The following ARSJ variants were observed in gnomAD, a reference collection of about 807,000 sequenced individuals.
ARSJ encodes the protein arylsulfatase J.
Under a neutral mutation model 35.9 loss-of-function variants are expected in ARSJ, and 26 were observed. That is an observed-to-expected ratio of 0.72 (90% CI 0.53 to 1.00). ARSJ has a LOEUF of 1.00. Among genes scored for constraint, ARSJ ranks in the 50% least tolerant of loss-of-function variants. ARSJ has a pLI of 0.00. For synonymous variants in ARSJ, 294 were observed against 267.6 expected (o/e 1.10, Z -0.96); for missense variants, 667 against 723.6 (o/e 0.92, Z 0.90).
intron 1 of ARSJ, among the ~76,000 whole-genome samples, chr4:113,940,091 A>G (rs900491560): frequency 2.0e-5 from 3 of 152,108 alleles, no homozygotes; most frequent in Non-Finnish European, 2.9e-5. Context: ...TGATTTCTTA[A>G]AGACCTAGAG....
At chr4:113,918,378 T>C (rs949296837) in intron 1 of ARSJ, among the ~76,000 whole-genome samples, 1 of 152,196 alleles carries the variant, frequency 6.6e-6, no homozygotes, top group Admixed American at 6.5e-5. Context: ...ATTTATGTTA[T>C]GTGTAAAAGG....
chr4:113,927,525 T>C (rs763529150), intron 1 of ARSJ, among the ~76,000 whole-genome samples: 4 of 152,126 alleles, frequency 2.6e-5, no homozygotes, highest in Non-Finnish European at 5.9e-5. Flanking sequence ...CATAGGACAG[T>C]AAAGGTAAAT....
chr4:113,952,716 G>A (rs1459292898), intron 1 of ARSJ, among the ~76,000 whole-genome samples: 1 of 152,004 alleles, frequency 6.6e-6, no homozygotes, highest in African/African-American at 2.4e-5. Context: ...GCTGGAGAAG[G>A]CTAAACCTCT....
intron 1 of ARSJ, among the ~76,000 whole-genome samples, chr4:113,909,061 G>T (rs186433186): frequency 6.6e-6 from 1 of 152,194 alleles, no homozygotes; most frequent in African/African-American, 2.4e-5. Flanking sequence ...AGTAAAAATG[G>T]AAAGAGGTAG....
At chr4:113,912,691 C>T (rs979434030) in intron 1 of ARSJ, among the ~76,000 whole-genome samples, 4 of 151,242 alleles carry the variant, frequency 2.6e-5, no homozygotes, top group Non-Finnish European at 5.9e-5. Context: ...TGAAACAATA[C>T]GTGGCTCATA....
chr4:113,971,350 C>A (rs1323071027), intron 1 of ARSJ, among the ~76,000 whole-genome samples: 2 of 152,168 alleles, frequency 1.3e-5, no homozygotes, highest in Non-Finnish European at 2.9e-5. Flanking sequence ...CAGCCTTCTG[C>A]GCCTGGATAA....
intron 1 of ARSJ, among the ~76,000 whole-genome samples, chr4:113,913,075 A>G (rs559901636): frequency 2.5e-4 from 35 of 140,966 alleles, no homozygotes; most frequent in African/African-American, 7.9e-4. Context: ...TTCGGACTAG[A>G]CAAAAGGGGA....
Position 113,961,895 on chromosome 4 carries a change from CTCTGTGTGTGTGTG to C in ARSJ, c.398+16528_398+16541del, listed in dbSNP as rs762427925. Among the ~76,000 whole-genome samples, 898 of 122,014 alleles carry C rather than the reference CTCTGTGTGTGTGTG, an allele frequency of 7.4e-3. 10 individuals are homozygous for C. Among genetic ancestry groups the C allele is most frequent in the African/African-American group, 0.025 (689 of 27,834 alleles). 80.0% of individuals were successfully genotyped at this position (122,014 alleles called of 152,430 possible). A position where few individuals can be genotyped will look rare whatever the true frequency, so the allele number is the denominator to read the frequency against. On this transcript the variant is annotated intron_variant, in intron 1 of 1. Coordinates refer to ENST00000315366, the MANE Select transcript of ARSJ (RefSeq NM_024590.4). ...TGCCTGTGTTTGTCTCTCTCTCTCT[CTCTGTGTGTGTGTG>C]TGTGTGTGTGTGTGTGTGTGTGTGT...
chr4:113,963,462 T>C (rs1430165837), intron 1 of ARSJ, among the ~76,000 whole-genome samples: 5 of 152,112 alleles, frequency 3.3e-5, no homozygotes, highest in African/African-American at 1.2e-4. Flanking sequence ...AAGCGCCTTA[T>C]AAAACCAGCA....
chr4:113,908,951 TCTAAACAATC>T (rs2099669610), intron 1 of ARSJ, among the ~76,000 whole-genome samples: 1 of 152,140 alleles, frequency 6.6e-6, no homozygotes. Flanking sequence ...AAAGAATTTT[TCTAAACAATC>T]TCTTCTAATT....
intron 1 of ARSJ, among the ~76,000 whole-genome samples, chr4:113,917,019 A>T (rs1723351488): frequency 6.6e-6 from 1 of 152,120 alleles, no homozygotes; most frequent in Admixed American, 6.6e-5. Flanking sequence ...ATTCCATCCA[A>T]TTGTTTTCTT....
intron 1 of ARSJ, among the ~76,000 whole-genome samples, chr4:113,964,321 A>T (rs1269175587): frequency 6.6e-6 from 1 of 152,128 alleles, no homozygotes; most frequent in Non-Finnish European, 1.5e-5. Context: ...GTAGAAAAGG[A>T]GCACATAAAA....
intron 1 of ARSJ, among the ~76,000 whole-genome samples, chr4:113,913,439 C>CT (rs1166140808): frequency 4.6e-5 from 7 of 152,040 alleles, no homozygotes; most frequent in African/African-American, 1.7e-4. Context: ...GTTCTTTTCT[C>CT]TTTTTTGGAA....
intron 1 of ARSJ, among the ~76,000 whole-genome samples, chr4:113,948,375 G>C (rs1283488092): frequency 6.6e-6 from 1 of 151,970 alleles, no homozygotes; most frequent in Non-Finnish European, 1.5e-5. Flanking sequence ...CAGGAAATTT[G>C]AATCAGGAAA....
At chr4:113,940,463 G>A (rs1490653691) in intron 1 of ARSJ, among the ~76,000 whole-genome samples, 1 of 151,992 alleles carries the variant, frequency 6.6e-6, no homozygotes, top group East Asian at 1.9e-4. Flanking sequence ...CATAATGAGG[G>A]GAACAACACA....
chr4:113,935,173 AG>A (rs1724690202), intron 1 of ARSJ, among the ~76,000 whole-genome samples: 1 of 151,888 alleles, frequency 6.6e-6, no homozygotes, highest in South Asian at 2.1e-4. Context: ...ATAGCTAGTC[AG>A]GAAATTAAAT....
At chr4:113,971,518 C>T (rs542375818) in intron 1 of ARSJ, among the ~76,000 whole-genome samples, 1 of 152,090 alleles carries the variant, frequency 6.6e-6, no homozygotes, top group East Asian at 1.9e-4. Flanking sequence ...ATCAGAAAGC[C>T]CATATGGTCA....
intron 1 of ARSJ, among the ~76,000 whole-genome samples, chr4:113,942,203 G>A (rs1048446690): frequency 6.6e-6 from 1 of 151,950 alleles, no homozygotes; most frequent in Non-Finnish European, 1.5e-5. Flanking sequence ...AGGACTTGAA[G>A]ATATAAACTA....
At chr4:113,916,523 T>C (rs1723311167) in intron 1 of ARSJ, among the ~76,000 whole-genome samples, 2 of 73,628 alleles carry the variant, frequency 2.7e-5, no homozygotes, top group African/African-American at 7.0e-5. Flanking sequence ...TACTACACGT[T>C]CTCTCTTTTT....
Sources: gnomAD v4.1 joint callset for allele counts (sites outside exome capture counted in the v4.1 genomes callset) on GRCh38, gnomAD v4.1.1 for gene constraint, MANE v1.5 for transcripts, NCBI Gene and HGNC (gene_info 2026-07-23, HGNC 2026-07-21) for gene names.